The following M1AP variants were observed in gnomAD, a reference collection of about 807,000 sequenced individuals.
The protein encoded by M1AP is meiosis 1 associated protein.
Under a neutral mutation model 51.2 loss-of-function variants are expected in M1AP, and 39 were observed. That is an observed-to-expected ratio of 0.76 (90% CI 0.59 to 1.00). The LOEUF (loss-of-function observed/expected upper bound fraction) is 1.00, where lower values mean the gene tolerates loss of function less well. Among genes scored for constraint, M1AP ranks in the 50% least tolerant of loss-of-function variants. M1AP has a pLI of 0.00. For missense variants in M1AP, 545 were observed against 641.2 expected (o/e 0.85, Z 1.62); for synonymous variants, 251 against 249.2 (o/e 1.01, Z -0.07).
intron 4 of M1AP, among the ~76,000 whole-genome samples, chr2:74,588,615 C>T (rs1200885081): frequency 2.0e-5 from 3 of 152,124 alleles, no homozygotes; most frequent in African/African-American, 7.2e-5. Context: ...GATGCTTGGA[C>T]CCTAGGAAAA....
chr2:74,561,150 G>A (rs1677941306), intron 8 of M1AP, among the ~76,000 whole-genome samples: 1 of 145,532 alleles, frequency 6.9e-6, no homozygotes, highest in Admixed American at 6.8e-5. Context: ...AGAAGGAGGA[G>A]GAGAAGGAGG....
chr2:74,620,561 A>G (rs554302244), intron 2 of M1AP: 1 of 156,738 alleles, frequency 6.4e-6, no homozygotes, highest in East Asian at 1.7e-4. Context: ...GTGTGTCTTA[A>G]CTCAGTGGAG....
chr2:74,646,984 C>T (rs1486059728), intron 1 of M1AP, among the ~76,000 whole-genome samples: 1 of 152,162 alleles, frequency 6.6e-6, no homozygotes, highest in Admixed American at 6.5e-5. Flanking sequence ...TGTGTCTGGG[C>T]ATAGTACTAA....
At chr2:74,641,674 C>T (rs570491559) in intron 1 of M1AP, among the ~76,000 whole-genome samples, 3 of 148,544 alleles carry the variant, frequency 2.0e-5, no homozygotes, top group Non-Finnish European at 4.4e-5. Flanking sequence ...TGGGGTCTTG[C>T]CATGTTGCCC....
At position 74,559,455 on chromosome 2, in the gene M1AP, C is replaced by T. The variant is rs528620905; in HGVS notation, c.1434+243G>A. ...AATTATAGGCATAAGCCACCGTGCC[C>T]GGCCTAAAATGAGAATTTTTCTAAA... On this transcript the variant is annotated intron_variant, in intron 10 of 10. Transcript: ENST00000421985. 5.9e-5 allele frequency among the ~76,000 whole-genome samples: 9 copies of T among 152,178 alleles called. No individual in the cohort carries two copies. The South Asian group carries it at 1.2e-3, about 21-fold the overall frequency.
At chr2:74,616,683 A>C (rs1681687720) in intron 2 of M1AP, among the ~76,000 whole-genome samples, 2 of 152,226 alleles carry the variant, frequency 1.3e-5, no homozygotes, top group Admixed American at 1.3e-4. Flanking sequence ...GGCACTCTAG[A>C]TTGAGTTATT....
At chr2:74,581,179 G>C (rs1350982028) in intron 5 of M1AP, among the ~76,000 whole-genome samples, 1 of 152,312 alleles carries the variant, frequency 6.6e-6, no homozygotes, top group Admixed American at 6.5e-5. Flanking sequence ...TTGGGCACAG[G>C]TTGTCCTCCC....
At chr2:74,583,893 G>T (rs1485885830) in intron 4 of M1AP, among the ~76,000 whole-genome samples, 2 of 152,098 alleles carry the variant, frequency 1.3e-5, no homozygotes, top group African/African-American at 4.8e-5. Flanking sequence ...ATTTCTCTAT[G>T]GCCAGAATGA....
intron 2 of M1AP, among the ~76,000 whole-genome samples, chr2:74,629,982 C>T (rs1022472267): frequency 1.3e-5 from 2 of 150,070 alleles, no homozygotes; most frequent in African/African-American, 2.5e-5. Context: ...GCTCTGTTGC[C>T]TAGGCTGGAG....
At position 74,606,893 on chromosome 2, in the gene M1AP, A is replaced by T. The variant is rs183820088; in HGVS notation, c.595+162T>A. On this transcript the variant is annotated intron_variant, in intron 4 of 10. Coordinates refer to ENST00000421985, the MANE Select transcript of M1AP (RefSeq NM_001321739.2). The stretch of plus-strand genomic sequence containing the variant: ...GACTGCTCATTAAGATTCTTTTTTT[A>T]AAATTTTATTATTATTATATTTTAA... 4.7e-3 allele frequency among the ~76,000 whole-genome samples: 709 copies of T among 152,142 alleles called. 7 individuals carry two copies. The highest frequency in any genetic ancestry group is 4.7e-3 in the Non-Finnish European group (318 of 68,000).
At chr2:74,639,512 C>T (rs1392368128) in intron 2 of M1AP, among the ~76,000 whole-genome samples, 5 of 152,224 alleles carry the variant, frequency 3.3e-5, no homozygotes, top group Admixed American at 2.6e-4. Flanking sequence ...CTGGCCCAGC[C>T]ATTGCCTTCC....
intron 8 of M1AP, among the ~76,000 whole-genome samples, chr2:74,561,241 G>GAGGAGA (rs1677983000): frequency 1.4e-5 from 1 of 70,466 alleles, no homozygotes; most frequent in Non-Finnish European, 3.5e-5. Context: ...GAAGGAGGAG[G>GAGGAGA]AGGAGGAGGA....
intron 4 of M1AP, among the ~76,000 whole-genome samples, chr2:74,598,745 T>C (rs1680502428): frequency 6.6e-6 from 1 of 151,382 alleles, no homozygotes; most frequent in African/African-American, 2.4e-5. Flanking sequence ...CTCAGCATCC[T>C]GAGTAGCTGG....
intron 4 of M1AP, among the ~76,000 whole-genome samples, chr2:74,601,573 C>G (rs908649555): frequency 2.6e-5 from 4 of 151,804 alleles, no homozygotes; most frequent in Admixed American, 2.6e-4. Context: ...TTTAAAATAG[C>G]CAGGCAAAAG....
At chr2:74,588,478 G>A (rs1679847979) in intron 4 of M1AP, among the ~76,000 whole-genome samples, 1 of 152,194 alleles carries the variant, frequency 6.6e-6, no homozygotes, top group African/African-American at 2.4e-5. Context: ...GCTTAGTCAG[G>A]AACAGCAGTG....
chr2:74,643,394 C>T (rs1683424052), intron 1 of M1AP, among the ~76,000 whole-genome samples: 1 of 152,082 alleles, frequency 6.6e-6, no homozygotes, highest in Admixed American at 6.6e-5. Flanking sequence ...ACACATGTAG[C>T]ATGATTTCAT....
At chr2:74,610,827 C>T (rs1395845582) in intron 3 of M1AP, among the ~76,000 whole-genome samples, 1 of 152,134 alleles carries the variant, frequency 6.6e-6, no homozygotes, top group Non-Finnish European at 1.5e-5. Flanking sequence ...CATATATGGT[C>T]TTCATTGTGT....
chr2:74,615,886 G>C (rs1424443422), intron 2 of M1AP: 1 of 152,214 alleles, frequency 6.6e-6, no homozygotes, highest in Non-Finnish European at 1.5e-5. Flanking sequence ...TAGCAGGTGG[G>C]GGGTGGGGAA....
At chr2:74,628,518 G>A (rs1003484209) in intron 2 of M1AP, 34 of 471,646 alleles carry the variant, frequency 7.2e-5, no homozygotes, top group African/African-American at 6.2e-4. Flanking sequence ...GGCACTAAAG[G>A]CAAATATCAC....
Sources: gnomAD v4.1 joint callset for allele counts (sites outside exome capture counted in the v4.1 genomes callset) on GRCh38, gnomAD v4.1.1 for gene constraint, MANE v1.5 for transcripts, NCBI Gene and HGNC (gene_info 2026-07-23, HGNC 2026-07-21) for gene names.